DLGAP2: variants seen among roughly 807,000 people sequenced by gnomAD.
DLGAP2 encodes DLG associated protein 2.
DLGAP2 carries 26 observed loss-of-function variants against 100.3 expected under a neutral mutation model. The ratio of observed to expected loss-of-function variants is 0.26; its 90% confidence interval spans 0.19 to 0.36. DLGAP2 has a LOEUF of 0.36. Among genes scored for constraint, DLGAP2 ranks in the 10% least tolerant of loss-of-function variants. The pLI is 1.00. For missense variants in DLGAP2, 1,858 were observed against 1,453.2 expected (o/e 1.28, Z -4.53); for synonymous variants, 886 against 630.1 (o/e 1.41, Z -6.08).
chr8:1,694,458 GCGGGGGGC>G (rs1799329524), intron 13 of DLGAP2, among the ~76,000 whole-genome samples: 1 of 152,212 alleles, frequency 6.6e-6, no homozygotes, highest in Non-Finnish European at 1.5e-5. Context: ...GGGACGGACC[GCGGGGGGC>G]AGAGCCTCTC....
At chr8:1,436,393 C>T (rs937062243) in intron 3 of DLGAP2, among the ~76,000 whole-genome samples, 1 of 152,192 alleles carries the variant, frequency 6.6e-6, no homozygotes, top group African/African-American at 2.4e-5. Flanking sequence ...GTCCTTCCAC[C>T]TTCCTCTGCC....
At chr8:1,059,793 GGACA>G (rs771557305) in intron 2 of DLGAP2, among the ~76,000 whole-genome samples, 1 of 152,160 alleles carries the variant, frequency 6.6e-6, no homozygotes. Context: ...GGAACCACCA[GGACA>G]GACAGAGACA....
intron 3 of DLGAP2, among the ~76,000 whole-genome samples, chr8:1,343,299 C>T (rs1218885082): frequency 5.3e-5 from 8 of 152,162 alleles, no homozygotes; most frequent in South Asian, 4.1e-4. Flanking sequence ...GTGTCTCTCC[C>T]GTGGAGTCAC....
At chr8:1,067,893 C>A (rs1323128359) in intron 2 of DLGAP2, among the ~76,000 whole-genome samples, 1 of 151,870 alleles carries the variant, frequency 6.6e-6, no homozygotes, top group East Asian at 1.9e-4. Context: ...GACGACACAC[C>A]CCCCCATTAC....
chr8:1,655,062 G>C (rs1201394244), intron 8 of DLGAP2, among the ~76,000 whole-genome samples: 2 of 152,206 alleles, frequency 1.3e-5, no homozygotes, highest in Non-Finnish European at 2.9e-5. Context: ...ATGCTGGTGA[G>C]ACTATAATTT....
chr8:1,131,568 G>T (rs1796295219), intron 2 of DLGAP2, among the ~76,000 whole-genome samples: 1 of 152,158 alleles, frequency 6.6e-6, no homozygotes, highest in African/African-American at 2.4e-5. Context: ...CGTCCCACTG[G>T]AGGTTAGGGC....
chr8:995,750 AT>A (rs1241375438), intron 2 of DLGAP2, among the ~76,000 whole-genome samples: 1 of 152,208 alleles, frequency 6.6e-6, no homozygotes, highest in African/African-American at 2.4e-5. Context: ...TTTGAATCTT[AT>A]TTATGAAAAG....
chr8:1,145,466 G>GT (rs1442862073), intron 2 of DLGAP2, among the ~76,000 whole-genome samples: 2 of 152,174 alleles, frequency 1.3e-5, no homozygotes, highest in Non-Finnish European at 2.9e-5. Flanking sequence ...CTCCCGTCCT[G>GT]TGGGTGTGCA....
At chr8:1,480,607 T>C (rs1415164377) in intron 3 of DLGAP2, among the ~76,000 whole-genome samples, 1 of 152,024 alleles carries the variant, frequency 6.6e-6, no homozygotes, top group Non-Finnish European at 1.5e-5. Flanking sequence ...CCCAGCACTT[T>C]GGGAGGCCGA....
intron 2 of DLGAP2, among the ~76,000 whole-genome samples, chr8:922,391 A>G (rs921662693): frequency 6.6e-6 from 1 of 152,194 alleles, no homozygotes; most frequent in South Asian, 2.1e-4. Context: ...TTATTTCGAG[A>G]TGGAAGACAG....
chr8:1,344,096 C>A (rs1180717378), intron 3 of DLGAP2, among the ~76,000 whole-genome samples: 2 of 149,638 alleles, frequency 1.3e-5, no homozygotes, highest in Non-Finnish European at 2.9e-5. Context: ...ACTCGGGGCC[C>A]TGTCGTGGGT....
chr8:1,181,839 C>T (rs77525208), intron 2 of DLGAP2, among the ~76,000 whole-genome samples: 1 of 152,176 alleles, frequency 6.6e-6, no homozygotes, highest in East Asian at 1.9e-4. Flanking sequence ...ACAGGTACCA[C>T]CTTCCTCCCT....
intron 2 of DLGAP2, among the ~76,000 whole-genome samples, chr8:1,112,817 C>T (rs557271220): frequency 6.6e-6 from 1 of 152,268 alleles, no homozygotes; most frequent in African/African-American, 2.4e-5. Flanking sequence ...GGTTGTCTCC[C>T]AGGGTTTTTA....
At chr8:1,194,349 C>G (rs1290544511) in intron 2 of DLGAP2, among the ~76,000 whole-genome samples, 1 of 152,078 alleles carries the variant, frequency 6.6e-6, no homozygotes, top group African/African-American at 2.4e-5. Context: ...GGATGCCTGG[C>G]AGACAGTCAG....
chr8:1,478,220 C>T (rs1194862303), intron 3 of DLGAP2, among the ~76,000 whole-genome samples: 1 of 152,190 alleles, frequency 6.6e-6, no homozygotes, highest in African/African-American at 2.4e-5. Context: ...ACTCCTCCTT[C>T]AGACTGGGAC....
intron 2 of DLGAP2, among the ~76,000 whole-genome samples, chr8:1,164,606 A>G (rs1269382875): frequency 6.6e-6 from 1 of 151,716 alleles, no homozygotes; most frequent in African/African-American, 2.4e-5. Flanking sequence ...ACAAAGCCCA[A>G]GTCAGAGGGA....
At chr8:1,020,267 C>T (rs7826110) in intron 2 of DLGAP2, among the ~76,000 whole-genome samples, 45,288 of 152,042 alleles carry the variant, frequency 0.3, 7,041 homozygotes, top group Middle Eastern at 0.35. Flanking sequence ...AACCCTGAAG[C>T]GTATTAGAAA....
chr8:1,031,849 G>A (rs1332983223), intron 2 of DLGAP2, among the ~76,000 whole-genome samples: 2 of 152,238 alleles, frequency 1.3e-5, no homozygotes, highest in East Asian at 3.8e-4. Context: ...CAGAAATGCT[G>A]TTTATGTTAG....
chr8:1,473,034 G>A (rs1009162084), intron 3 of DLGAP2, among the ~76,000 whole-genome samples: 7 of 152,082 alleles, frequency 4.6e-5, no homozygotes, highest in Admixed American at 6.5e-5. Context: ...AGGTTCAAGC[G>A]ATTCTCCTGC....
Sources: gnomAD v4.1 joint callset for allele counts (sites outside exome capture counted in the v4.1 genomes callset) on GRCh38, gnomAD v4.1.1 for gene constraint, MANE v1.5 for transcripts, NCBI Gene and HGNC (gene_info 2026-07-23, HGNC 2026-07-21) for gene names.